MYOZ2: variants seen among roughly 807,000 people sequenced by gnomAD.
The protein encoded by MYOZ2 is myozenin-2.
A neutral mutation model predicts 25.4 loss-of-function variants in MYOZ2; 19 were observed. The ratio of observed to expected loss-of-function variants is 0.75; its 90% CI spans 0.52 to 1.10. The LOEUF (loss-of-function observed/expected upper bound fraction) is 1.10, where lower values mean the gene tolerates loss of function less well. Ranked by LOEUF, MYOZ2 falls within the 50% of genes least tolerant of loss-of-function variation. MYOZ2 has a pLI of 0.00. For synonymous variants in MYOZ2, 92 were observed against 106.9 expected, an observed-to-expected ratio of 0.86 and a Z score of 0.86; for missense variants, 270 against 317.9, an observed-to-expected ratio of 0.85 and a Z score of 1.15.
chr4:119,158,219 T>A, intron 4 of MYOZ2, 68 bp downstream of exon 4: 1 of 1,569,224 alleles, frequency 6.4e-7, no homozygotes, highest in Non-Finnish European at 8.8e-7. Flanking sequence ...TCAAGGCATT[T>A]AAAGCCTTTA....
intron 5 of MYOZ2, among the ~76,000 whole-genome samples, chr4:119,177,706 G>T (rs1174631198): frequency 6.6e-6 from 1 of 152,098 alleles, no homozygotes; most frequent in Non-Finnish European, 1.5e-5. Flanking sequence ...CTGATGAGTT[G>T]CCTGCCTTGT....
rs192214959 is a variant in MYOZ2, at chr4:119,136,779, C to G, written c.76+178C>G. 4.9e-3 allele frequency among the ~76,000 whole-genome samples: 739 copies of G among 152,202 alleles called. 12 individuals carry two copies. Among genetic ancestry groups the G allele is most frequent in the Non-Finnish European group, 4.6e-3 (313 of 68,000 alleles). On this transcript the variant is annotated intron_variant, in intron 2 of 5. Transcript: ENST00000307128. ...GGTAACTAATCCTTTTGTAGTCATC[C>G]TTTCTCATTTGGAAGCTATTTTCAG...
intron 5 of MYOZ2, among the ~76,000 whole-genome samples, chr4:119,176,229 C>G (rs1311673646): frequency 6.6e-6 from 1 of 150,674 alleles, no homozygotes; most frequent in African/African-American, 2.4e-5. Flanking sequence ...ATTGAACAAA[C>G]TTTTTTTTTT....
intron 3 of MYOZ2, among the ~76,000 whole-genome samples, chr4:119,155,869 A>G (rs568871122): frequency 6.6e-6 from 1 of 152,290 alleles, no homozygotes; most frequent in South Asian, 2.1e-4. Context: ...TGAAGACTAA[A>G]GTGAAAAAGG....
chr4:119,150,642 A>C (rs545354693), intron 2 of MYOZ2, among the ~76,000 whole-genome samples: 5 of 152,096 alleles, frequency 3.3e-5, no homozygotes, highest in African/African-American at 1.2e-4. Context: ...GTACCAGGCT[A>C]CATGCTTTAC....
At chr4:119,155,094 A>G (rs999214073) in intron 3 of MYOZ2, among the ~76,000 whole-genome samples, 1 of 152,104 alleles carries the variant, frequency 6.6e-6, no homozygotes, top group Non-Finnish European at 1.5e-5. Context: ...TGAGAGAGGA[A>G]GGAAGGAAGA....
At chr4:119,151,998 A>G (rs13149133) in intron 3 of MYOZ2, among the ~76,000 whole-genome samples, 89,666 of 151,908 alleles carry the variant, frequency 0.59, 28,764 homozygotes, top group Non-Finnish European at 0.72. Flanking sequence ...AGAAACTAAT[A>G]TCTACATCCA....
At chr4:119,162,221 ACCCC>A (rs1741724873) in intron 4 of MYOZ2, among the ~76,000 whole-genome samples, 3 of 152,086 alleles carry the variant, frequency 2.0e-5, no homozygotes, top group Non-Finnish European at 4.4e-5. Context: ...CATAAGGGGC[ACCCC>A]AAGCAGCAAG....
intron 5 of MYOZ2, among the ~76,000 whole-genome samples, chr4:119,174,664 C>A (rs190823064): frequency 3.3e-5 from 5 of 152,206 alleles, no homozygotes; most frequent in Middle Eastern, 6.8e-3. Context: ...AATAGACCAC[C>A]GGGCTCTACC....
chr4:119,178,336 A>C (rs1411209732), intron 5 of MYOZ2, among the ~76,000 whole-genome samples: 1 of 152,158 alleles, frequency 6.6e-6, no homozygotes, highest in African/African-American at 2.4e-5. Context: ...TGTGCTGATA[A>C]TGCCAATGAT....
At chr4:119,154,295 T>G (rs2149222374) in intron 3 of MYOZ2, among the ~76,000 whole-genome samples, 1 of 152,284 alleles carries the variant, frequency 6.6e-6, no homozygotes, top group Non-Finnish European at 1.5e-5. Context: ...TGGCTCTAGT[T>G]TTGTTTTCTT....
intron 5 of MYOZ2, among the ~76,000 whole-genome samples, chr4:119,172,172 A>G (rs1741960599): frequency 6.6e-6 from 1 of 152,346 alleles, no homozygotes; most frequent in African/African-American, 2.4e-5. Context: ...ACCCATGAGA[A>G]AAAGTAAACC....
chr4:119,142,558 T>C (rs575757275), intron 2 of MYOZ2, among the ~76,000 whole-genome samples: 1 of 152,316 alleles, frequency 6.6e-6, no homozygotes, highest in Non-Finnish European at 1.5e-5. Flanking sequence ...GGGAAATTGT[T>C]GCAAAATACC....
At chr4:119,143,088 AT>A (rs970482680) in intron 2 of MYOZ2, among the ~76,000 whole-genome samples, 30 of 152,162 alleles carry the variant, frequency 2.0e-4, no homozygotes, top group Non-Finnish European at 4.0e-4. Context: ...TCATCTTTTT[AT>A]AAGGTCACAA....
intron 4 of MYOZ2, among the ~76,000 whole-genome samples, chr4:119,160,566 A>C (rs1741685087): frequency 6.6e-6 from 1 of 152,144 alleles, no homozygotes; most frequent in African/African-American, 2.4e-5. Flanking sequence ...TCATATGTGC[A>C]TTTTATTGAC....
intron 5 of MYOZ2, among the ~76,000 whole-genome samples, chr4:119,182,926 C>T (rs944141162): frequency 7.2e-5 from 11 of 151,980 alleles, no homozygotes; most frequent in Non-Finnish European, 8.8e-5. Flanking sequence ...TTAATTGAAA[C>T]GAAAGTAATA....
intron 2 of MYOZ2, among the ~76,000 whole-genome samples, chr4:119,148,078 A>G (rs1034310156): frequency 6.6e-6 from 1 of 152,120 alleles, no homozygotes; most frequent in Non-Finnish European, 1.5e-5. Flanking sequence ...GGATGTCTCA[A>G]GTTCCCCTTT....
Position 119,136,529 on chromosome 4 carries a change from C to G in MYOZ2, c.4C>G (p.Leu2Val). 2 of 1,613,312 alleles carry G rather than the reference C, an allele frequency of 1.2e-6. No homozygotes were observed. The highest frequency in any genetic ancestry group is 1.3e-5 in the African/African-American group (1 of 75,016). The change falls in exon 2 of 6, where the codon CTA (leucine) becomes GTA (valine). Residue 2 changes from leucine (L) to valine (V), a missense_variant. Transcript: ENST00000307128. M[L>V]SHNTMMKQRK... is the part of the protein sequence containing the mutation. The stretch of plus-strand genomic sequence containing the variant: ...TTTAACAGGGAACAAAAAAACCATG[C>G]TATCACATAATACTATGATGAAGCA...
chr4:119,167,571 T>G (rs1403097007), intron 5 of MYOZ2, among the ~76,000 whole-genome samples: 1 of 152,230 alleles, frequency 6.6e-6, no homozygotes, highest in Non-Finnish European at 1.5e-5. Flanking sequence ...ATTTTCAATG[T>G]AGGTGAAACA....
Sources: gnomAD v4.1 joint callset for allele counts (sites outside exome capture counted in the v4.1 genomes callset) on GRCh38, gnomAD v4.1.1 for gene constraint, MANE v1.5 for transcripts, NCBI Gene and HGNC (gene_info 2026-07-23, HGNC 2026-07-21) for gene names.